Variants in ATXN8OS observed in about 807,000 individuals in gnomAD.
The protein encoded by ATXN8OS is ATXN8 opposite strand lncRNA, also known as ATXN8 opposite strand (non-protein coding).
At chr13:70,159,826 A>G (rs1469711132) in intron 4 of ATXN8OS, among the ~76,000 whole-genome samples, 2 of 152,248 alleles carry the variant, frequency 1.3e-5, no homozygotes, top group Admixed American at 1.3e-4. Flanking sequence ...ATCCAGAATA[A>G]TGCATTTGAA....
chr13:70,109,311 C>A (rs1017762556), intron 1 of ATXN8OS, among the ~76,000 whole-genome samples: 1 of 152,114 alleles, frequency 6.6e-6, no homozygotes, highest in Non-Finnish European at 1.5e-5. Flanking sequence ...AGATAGAACC[C>A]AGTAGTCTTT....
chr13:70,137,473 T>G (rs941356966), intron 3 of ATXN8OS, among the ~76,000 whole-genome samples: 5 of 152,224 alleles, frequency 3.3e-5, no homozygotes, highest in African/African-American at 1.2e-4. Context: ...CCTTCTAGTT[T>G]GGCAGAGCTA....
intron 4 of ATXN8OS, among the ~76,000 whole-genome samples, chr13:70,150,121 A>C (rs1475536134): frequency 6.6e-6 from 1 of 152,074 alleles, no homozygotes; most frequent in African/African-American, 2.4e-5. Flanking sequence ...GCTCCCAAGT[A>C]AAAGAAGAAT....
chr13:70,167,445 G>A (rs1488292234), intron 4 of ATXN8OS, among the ~76,000 whole-genome samples: 2 of 151,912 alleles, frequency 1.3e-5, no homozygotes, highest in African/African-American at 4.8e-5. Flanking sequence ...TCACTCATAG[G>A]TGGGAATTGA....
In ATXN8OS at chr13:70,153,014, CTGTG is replaced by C. The variant is rs66574752; in HGVS notation, n.573+5624_573+5627del. 1.0e-2 allele frequency among the ~76,000 whole-genome samples: 1,414 copies of C among 141,646 alleles called. 15 individuals are homozygous for C. The highest frequency in any genetic ancestry group is 0.04 in the East Asian group (189 of 4,780). The allele number at this position is 141,646 out of a possible 152,430, so 92.9% of individuals were successfully genotyped here. A position where few individuals can be genotyped will look rare whatever the true frequency, so the allele number is the denominator to read the frequency against. ...GAGTTAGAGAATGAATAAGAAAAAA[CTGTG>C]TGTGTGTGTGTGTGTGTGTGTGTGT... On this transcript the variant is annotated intron_variant and non_coding_transcript_variant, in intron 4 of 4. Coordinates refer to ENST00000678624, the Ensembl canonical transcript of ATXN8OS.
intron 4 of ATXN8OS, among the ~76,000 whole-genome samples, chr13:70,159,976 A>T (rs1456461238): frequency 6.6e-6 from 1 of 152,212 alleles, no homozygotes; most frequent in Non-Finnish European, 1.5e-5. Flanking sequence ...TTATAAATAG[A>T]CCTGCTATAA....
intron 1 of ATXN8OS, among the ~76,000 whole-genome samples, chr13:70,110,040 G>C (rs959205403): frequency 1.3e-5 from 2 of 151,992 alleles, no homozygotes; most frequent in African/African-American, 2.4e-5. Context: ...TAATTTTGCA[G>C]TTCCTTTTTC....
exon 5 of ATXN8OS, among the ~76,000 whole-genome samples, chr13:70,171,261 G>A (rs1420746709): frequency 6.6e-6 from 1 of 152,118 alleles, no homozygotes; most frequent in Non-Finnish European, 1.5e-5. Flanking sequence ...GGGCACAAGA[G>A]TAGATTACAG....
intron 2 of ATXN8OS, among the ~76,000 whole-genome samples, chr13:70,123,537 G>A (rs1477016686): frequency 6.6e-6 from 1 of 152,086 alleles, no homozygotes; most frequent in Admixed American, 6.6e-5. Context: ...GTTGGTGAAG[G>A]CTTGTACCAC....
At chr13:70,149,794 T>C (rs1347331084) in intron 4 of ATXN8OS, among the ~76,000 whole-genome samples, 1 of 152,068 alleles carries the variant, frequency 6.6e-6, no homozygotes, top group Admixed American at 6.6e-5. Flanking sequence ...TGATTAGCCA[T>C]TCCAATTAAA....
intron 2 of ATXN8OS, among the ~76,000 whole-genome samples, chr13:70,123,250 T>C (rs148305139): frequency 5.8e-4 from 88 of 152,230 alleles, no homozygotes; most frequent in African/African-American, 2.0e-3. Flanking sequence ...CTAATTGAAG[T>C]TGATGTCAAG....
At chr13:70,115,937 C>T (rs1657573026) in intron 2 of ATXN8OS, among the ~76,000 whole-genome samples, 2 of 151,960 alleles carry the variant, frequency 1.3e-5, no homozygotes, top group Admixed American at 1.3e-4. Flanking sequence ...TTCAGTTTAT[C>T]AAACAGGAAA....
intron 2 of ATXN8OS, among the ~76,000 whole-genome samples, chr13:70,122,963 C>T (rs1260751952): frequency 6.6e-6 from 1 of 151,882 alleles, no homozygotes; most frequent in Admixed American, 6.6e-5. Context: ...ACTTTGTTTT[C>T]TAATTTGTAA....
intron 4 of ATXN8OS, among the ~76,000 whole-genome samples, chr13:70,165,938 T>G (rs995549726): frequency 6.6e-6 from 1 of 151,998 alleles, no homozygotes; most frequent in African/African-American, 2.4e-5. Context: ...AGCACATCAA[T>G]TAGTTTAGAG....
In ATXN8OS at chr13:70,166,564, A is replaced by G. The variant is rs1345358043; in HGVS notation, n.574-3189A>G. Among the ~76,000 whole-genome samples the G allele has an allele frequency of 2.6e-5, 4 of 152,120 alleles. No individual in the cohort carries two copies. In the South Asian group the frequency reaches 6.2e-4, roughly 24 times the overall value. On this transcript the variant is annotated intron_variant and non_coding_transcript_variant, in intron 4 of 4. Coordinates refer to ENST00000678624, the Ensembl canonical transcript of ATXN8OS. ...TTAGACCTAAAACCATAAAAACCCT[A>G]GAAGAAAACGTAGGCAATACCATTC... is the stretch of plus-strand genomic sequence containing the variant.
chr13:70,127,399 C>A (rs915034759), intron 2 of ATXN8OS, among the ~76,000 whole-genome samples: 1 of 151,864 alleles, frequency 6.6e-6, no homozygotes, highest in African/African-American at 2.4e-5. Context: ...AATTAGATAT[C>A]ATCGAAAGAA....
At chr13:70,168,969 A>G (rs1889111351) in intron 4 of ATXN8OS, among the ~76,000 whole-genome samples, 1 of 152,136 alleles carries the variant, frequency 6.6e-6, no homozygotes, top group South Asian at 2.1e-4. Flanking sequence ...TTTGTTAACT[A>G]TAGAAGAAAT....
chr13:70,162,282 A>G (rs927906695), intron 4 of ATXN8OS, among the ~76,000 whole-genome samples: 1 of 152,068 alleles, frequency 6.6e-6, no homozygotes, highest in Non-Finnish European at 1.5e-5. Flanking sequence ...GAAACCTGAG[A>G]CGCAGAATTC....
chr13:70,161,155 G>T (rs1296242441), intron 4 of ATXN8OS, among the ~76,000 whole-genome samples: 2 of 146,136 alleles, frequency 1.4e-5, no homozygotes, highest in Non-Finnish European at 3.0e-5. Flanking sequence ...TGATTGAATT[G>T]AAAAAAAAAA....
Sources: gnomAD v4.1 joint callset for allele counts (sites outside exome capture counted in the v4.1 genomes callset) on GRCh38, gnomAD v4.1.1 for gene constraint, MANE v1.5 for transcripts, NCBI Gene and HGNC (gene_info 2026-07-23, HGNC 2026-07-21) for gene names.